Variants in NOS1 observed in about 807,000 individuals in gnomAD.
NOS1 encodes the protein nitric oxide synthase 1.
NOS1 carries 51 observed loss-of-function variants against 164.5 expected under a neutral mutation model. The ratio of observed to expected loss-of-function variants is 0.31; its 90% CI spans 0.25 to 0.39. The LOEUF (loss-of-function observed/expected upper bound fraction) is 0.39, where lower values mean the gene tolerates loss of function less well. NOS1 is among the 10% of genes least tolerant of loss of function. The pLI, the probability that NOS1 is intolerant of heterozygous loss-of-function variation, is 1.00. For synonymous variants in NOS1, 719 were observed against 745.8 expected, an observed-to-expected ratio of 0.96 and a Z score of 0.59; for missense variants, 1,362 against 1,885.6, an observed-to-expected ratio of 0.72 and a Z score of 5.14.
chr12:117,330,646 C>T lies in NOS1; in HGVS notation c.424G>A (p.Gly142Ser), dbSNP rs760365815. ...TCCACTGCCAGGGGCTGTTCTTTGCCGGCCGGTGGCTGGTGGGACAGATCC... is the reference window on the plus strand; with the variant it reads ...TCCACTGCCAGGGGCTGTTCTTTGCTGGCCGGTGGCTGGTGGGACAGATCC... The part of the protein sequence containing the change: ...AVDLSHQPPA[G>S]KEQPLAVDGA... Residue 142 changes from glycine (G) to serine (S), a missense_variant, in exon 2 of 29, where the codon GGC becomes AGC. By Grantham distance (56) the Gly-to-Ser change is moderately conservative (BLOSUM62 0). Transcript: ENST00000317775. This position sits in a 1 kb window ranked among gnomAD's most constrained non-coding sequence, Gnocchi z 4.6. 2.0e-5 allele frequency: 32 copies of T among 1,611,556 alleles called. No individual in the cohort carries two copies. The highest frequency in any genetic ancestry group is 1.2e-4 in the South Asian group (11 of 91,036).
At chr12:117,341,446 T>C (rs571583036) in intron 1 of NOS1, among the ~76,000 whole-genome samples, 164 of 152,290 alleles carry the variant, frequency 1.1e-3, no homozygotes, top group Non-Finnish European at 1.7e-3. Flanking sequence ...GATGTTAGAA[T>C]AGATCTGGGG....
At position 117,210,948 on chromosome 12, in the gene NOS1, T is replaced by TTA. The variant is rs1421551867; in HGVS notation, c.*4359_*4360dup. On this transcript the variant is annotated 3_prime_UTR_variant, in exon 29 of 29. Coordinates refer to ENST00000317775, the MANE Select transcript of NOS1 (RefSeq NM_000620.5). ...TCAGCTAGGGGCAAGATGTTTTATTTTATTTTATTTTATTTTATTTTTTTT... is the reference window on the plus strand; with the variant it reads ...TCAGCTAGGGGCAAGATGTTTTATTTTATATTTTATTTTATTTTATTTTTTTT... The TTA allele has an allele frequency of 1.0e-6, 1 of 957,590 alleles. No individual in the cohort carries two copies. The highest frequency in any genetic ancestry group is 1.2e-6 in the Non-Finnish European group (1 of 806,446). 59.3% of individuals were successfully genotyped at this position (957,590 alleles called of 1,614,324 possible). A position where few individuals can be genotyped will look rare whatever the true frequency, so the allele number is the denominator to read the frequency against.
intron 1 of NOS1, among the ~76,000 whole-genome samples, chr12:117,351,144 T>C (rs1872811809): frequency 1.3e-5 from 2 of 152,168 alleles, no homozygotes; most frequent in Non-Finnish European, 2.9e-5. Flanking sequence ...AAAAGTCTCT[T>C]GCCCTCTGGC....
chr12:117,339,403 C>G (rs1032065085), intron 1 of NOS1, among the ~76,000 whole-genome samples: 1 of 152,232 alleles, frequency 6.6e-6, no homozygotes, highest in Non-Finnish European at 1.5e-5. Flanking sequence ...GTTGTCAAGG[C>G]TTTGGGAAAT....
intron 7 of NOS1, among the ~76,000 whole-genome samples, chr12:117,284,207 G>A (rs1873916540): frequency 6.6e-6 from 1 of 152,254 alleles, no homozygotes; most frequent in African/African-American, 2.4e-5. Flanking sequence ...TATCTCTGCA[G>A]TGATCCTGTG....
chr12:117,309,981 A>C (rs1218630515), intron 3 of NOS1, among the ~76,000 whole-genome samples: 2 of 152,126 alleles, frequency 1.3e-5, no homozygotes, highest in Non-Finnish European at 2.9e-5. Context: ...ATCACAGCTC[A>C]CTGCAGCCTT....
chr12:117,311,345 G>A (rs373341143), intron 3 of NOS1, 121 bp downstream of exon 3: 586 of 1,201,494 alleles, frequency 4.9e-4, no homozygotes, highest in South Asian at 1.1e-3. Context: ...CTCCAGCCAC[G>A]GCGGCTGATT....
At chr12:117,359,595 C>A (rs1158144533) in intron 1 of NOS1, among the ~76,000 whole-genome samples, 1 of 152,032 alleles carries the variant, frequency 6.6e-6, no homozygotes, top group Non-Finnish European at 1.5e-5. Context: ...TCGCCTGCAC[C>A]GCACCCTTGC....
At chr12:117,293,815 T>G (rs2136030613) in intron 3 of NOS1, among the ~76,000 whole-genome samples, 1 of 152,138 alleles carries the variant, frequency 6.6e-6, no homozygotes, top group East Asian at 1.9e-4. Flanking sequence ...TTTGGGCGAG[T>G]TCTTTCCTTT....
At chr12:117,241,372 T>G (rs1362061187) in intron 20 of NOS1, among the ~76,000 whole-genome samples, 2 of 151,834 alleles carry the variant, frequency 1.3e-5, no homozygotes, top group Non-Finnish European at 2.9e-5. Context: ...GCAATATGCT[T>G]GGTTCACCGG....
chr12:117,263,994 G>A lies in NOS1; in HGVS notation c.2137-20C>T. On this transcript the variant is annotated intron_variant, in intron 12 of 28. Coordinates refer to ENST00000317775, the MANE Select transcript of NOS1 (RefSeq NM_000620.5). ...ATCAGGCTGGGAAGAGAAGGAGAGG[G>A]CTATGGTCACTCACTGCAGTGAGGG... 6.2e-7 allele frequency: 1 copy of A among 1,603,576 alleles called. No homozygotes were observed. The highest frequency in any genetic ancestry group is 2.2e-5 in the East Asian group (1 of 44,804).
At chr12:117,305,386 C>G (rs890779398) in intron 3 of NOS1, among the ~76,000 whole-genome samples, 5 of 151,784 alleles carry the variant, frequency 3.3e-5, no homozygotes, top group African/African-American at 1.2e-4. Flanking sequence ...ATGGCGTGAA[C>G]CTGGGAGGCG....
rs531234085 is a variant in NOS1 at position 117,243,476 on chromosome 12, A to G, written c.2824-41T>C. ...GGCTTTCAGTGACCTCTTTCAGCCA[A>G]GCGGATCTCCTCTCCAACAGCTCCA... On this transcript the variant is annotated intron_variant, in intron 18 of 28. Transcript: ENST00000317775. The surrounding 1 kb of genome is among the most constrained non-coding windows in gnomAD (Gnocchi z 4.3). The G allele has an allele frequency of 1.9e-6, 3 of 1,608,136 alleles. No individual in the cohort carries two copies. In the African/African-American group the frequency reaches 4.0e-5, roughly 21 times the overall value.
rs58234141 is a variant in NOS1 at position 117,229,562 on chromosome 12, T to TTCTATCTATCTATCTA, written c.3406-1937_3406-1922dup. ...AATACATATGGGTTATATCAAATTCTTCTATCTATCTATCTATCTATCTAT... is the reference window on the plus strand; with the variant it reads ...AATACATATGGGTTATATCAAATTCTTCTATCTATCTATCTATCTATCTATCTATCTATCTATCTAT... On this transcript the variant is annotated intron_variant, in intron 22 of 28. Transcript: ENST00000317775. Among the ~76,000 whole-genome samples the TTCTATCTATCTATCTA allele has an allele frequency of 5.8e-3, 871 of 149,380 alleles. 3 individuals are homozygous for TTCTATCTATCTATCTA. Among genetic ancestry groups the TTCTATCTATCTATCTA allele is most frequent in the African/African-American group, 0.01 (422 of 40,346 alleles).
chr12:117,286,357 C>A, intron 5 of NOS1, 91 bp from the exon 6 acceptor site: 2 of 1,403,526 alleles, frequency 1.4e-6, no homozygotes, highest in South Asian at 2.7e-5. Flanking sequence ...AGGCTGGAAG[C>A]TACAAAAAAT....
intron 7 of NOS1, among the ~76,000 whole-genome samples, 154 bp downstream of exon 7, chr12:117,285,086 TA>T (rs1286069647): frequency 8.3e-5 from 12 of 144,804 alleles, no homozygotes; most frequent in South Asian, 4.4e-4. Context: ...AAATAAAAAA[TA>T]AAAAAAAAAG....
chr12:117,331,453 G>A lies in NOS1; in HGVS notation c.-384C>T, dbSNP rs1875543857. On this transcript the variant is annotated 5_prime_UTR_variant, in exon 2 of 29. Coordinates refer to ENST00000317775, the MANE Select transcript of NOS1 (RefSeq NM_000620.5). ...TATTCTCTGGGTATCTTCATTGCCA[G>A]CCTGTTAGATGCGGATCAGATCTGA... is the stretch of plus-strand genomic sequence containing the variant. 5.1e-6 allele frequency: 1 copy of A among 197,192 alleles called. No homozygotes were observed. Among genetic ancestry groups the A allele is most frequent in the African/African-American group, 2.3e-5 (1 of 43,622 alleles). 12.2% of individuals were successfully genotyped at this position (197,192 alleles called of 1,614,324 possible). A position where few individuals can be genotyped will look rare whatever the true frequency, so the allele number is the denominator to read the frequency against.
At chr12:117,277,070 C>T (rs1592979550) in intron 9 of NOS1, among the ~76,000 whole-genome samples, 1 of 152,254 alleles carries the variant, frequency 6.6e-6, no homozygotes, top group Non-Finnish European at 1.5e-5. Flanking sequence ...AACTCTTCTC[C>T]ATAGTGGTTG....
intron 24 of NOS1, among the ~76,000 whole-genome samples, chr12:117,226,447 C>T (rs572599185): frequency 5.3e-5 from 8 of 152,238 alleles, no homozygotes; most frequent in Non-Finnish European, 8.8e-5. Context: ...GCCCAGTACA[C>T]GCCCAAATGA....
Sources: gnomAD v4.1 joint callset for allele counts (sites outside exome capture counted in the v4.1 genomes callset) on GRCh38, gnomAD v4.1.1 for gene constraint, Gnocchi (gnomAD v3.1) non-coding constraint, MANE v1.5 for transcripts, NCBI Gene and HGNC (gene_info 2026-07-23, HGNC 2026-07-21) for gene names.